The following REST variants were observed in gnomAD, a reference collection of about 807,000 sequenced individuals.
The protein encoded by REST is RE1-silencing transcription factor.
In REST, 1 loss-of-function variant was observed where a neutral mutation model predicts 30.4. The observed-to-expected ratio is 0.03, with a 90% CI of 0.01 to 0.16. The LOEUF is 0.16. Among genes scored for constraint, REST ranks in the 10% least tolerant of loss-of-function variants. The probability of loss-of-function intolerance (pLI) is 1.00; values close to 1 mark genes in which losing one functional copy is unlikely to be tolerated. For synonymous variants in REST, 504 were observed against 451.1 expected, an observed-to-expected ratio of 1.12 and a Z score of -1.49; for missense variants, 1,259 against 1,329.5, an observed-to-expected ratio of 0.95 and a Z score of 0.82.
rs1320871872 is a variant in REST at position 56,930,580 on chromosome 4, C to T, written c.1722C>T (p.Cys574=). 1 of 1,611,928 alleles carries T rather than the reference C, an allele frequency of 6.2e-7. No individual in the cohort carries two copies. The highest frequency in any genetic ancestry group is 1.1e-5 in the South Asian group (1 of 90,882). ...AGGAGAATAAAAAGCAAAATACTTG[C>T]ATGAAAAAAAGTACAAAGAAGAAAA... ...KVEENKKQNT[C]MKKSTKKKTL... is the part of the protein sequence containing the mutation. Residue 574 remains cysteine (C), a synonymous_variant, in exon 4 of 4, where the codon TGC becomes TGT. Coordinates refer to ENST00000309042, the MANE Select transcript of REST (RefSeq NM_005612.5).
chr4:56,922,141 C>T (rs1720480513), intron 3 of REST, among the ~76,000 whole-genome samples: 2 of 151,942 alleles, frequency 1.3e-5, no homozygotes, highest in South Asian at 4.1e-4. Context: ...AACCAGAAAC[C>T]TGGTTTTATT....
At chr4:56,908,518 TCAG>T (rs1274458125) in intron 1 of REST, among the ~76,000 whole-genome samples, 1 of 151,204 alleles carries the variant, frequency 6.6e-6, no homozygotes, top group Non-Finnish European at 1.5e-5. Flanking sequence ...CTCCACCGAG[TCAG>T]GTCCTTTGAG....
At chr4:56,915,090 A>C (rs1451234329) in intron 2 of REST, among the ~76,000 whole-genome samples, 1 of 150,186 alleles carries the variant, frequency 6.7e-6, no homozygotes, top group African/African-American at 2.5e-5. Context: ...ACACCTGCTA[A>C]TTTTGTATTT....
At chr4:56,922,488 T>C (rs1036214183) in intron 3 of REST, 1 of 151,986 alleles carries the variant, frequency 6.6e-6, no homozygotes, top group African/African-American at 2.4e-5. Context: ...TAATTTTGTA[T>C]TTTTAGTAGA....
chr4:56,930,404 A>C lies in REST; in HGVS notation c.1546A>C (p.Thr516Pro). ...TGSNSEKFSK[T>P]KKSKRKLEVD... ...AAGCAATTCAGAAAAATTCAGTAAAACTAAGAAAAGCAAAAGGAAGCTGGA... is the reference window on the plus strand; with the variant it reads ...AAGCAATTCAGAAAAATTCAGTAAACCTAAGAAAAGCAAAAGGAAGCTGGA... Residue 516 changes from threonine to proline, a missense_variant, in exon 4 of 4, where the codon ACT becomes CCT. Transcript: ENST00000309042. 6.2e-7 allele frequency: 1 copy of C among 1,614,002 alleles called. No homozygotes were observed. Among genetic ancestry groups the C allele is most frequent in the East Asian group, 2.2e-5 (1 of 44,872 alleles).
At position 56,907,968 on chromosome 4, in the gene REST, G is replaced by A. The variant is rs1719696703; in HGVS notation, c.-255G>A. The A allele has an allele frequency of 2.8e-6, 1 of 355,386 alleles. No individual in the cohort carries two copies. Among genetic ancestry groups the A allele is most frequent in the Non-Finnish European group, 5.0e-6 (1 of 198,522 alleles). The allele number at this position is 355,386 out of a possible 1,614,324, so 22.0% of individuals were successfully genotyped here. On this transcript the variant is annotated 5_prime_UTR_variant, in exon 1 of 4. Transcript: ENST00000309042. ...AGCTCGCGGCGCAGCAGCGGAGCGA[G>A]CGCCGCCGAGGCCCGGGGCCCCAGA... is the stretch of plus-strand genomic sequence containing the variant.
chr4:56,921,700 G>A (rs187109279), intron 3 of REST, among the ~76,000 whole-genome samples: 2 of 152,286 alleles, frequency 1.3e-5, no homozygotes, highest in Admixed American at 6.5e-5. Context: ...GTGAGCCACC[G>A]CGCCCGGCCA....
chr4:56,935,146 G>A lies in REST; in HGVS notation c.*2994G>A, dbSNP rs1180948406. 6.6e-6 allele frequency: 1 copy of A among 151,998 alleles called. No individual in the cohort carries two copies. Among genetic ancestry groups the A allele is most frequent in the African/African-American group, 2.4e-5 (1 of 41,376 alleles). The allele number at this position is 151,998 out of a possible 1,614,324, so 9.4% of individuals were successfully genotyped here. On this transcript the variant is annotated 3_prime_UTR_variant, in exon 4 of 4. Transcript: ENST00000309042. Reference sequence around the variant, plus strand: ...ACTTTGGAGACTGTTTTGCGTATGAGTGCTGATACAAATTAAAACCCAAGT... The same window carrying A: ...ACTTTGGAGACTGTTTTGCGTATGAATGCTGATACAAATTAAAACCCAAGT...
Position 56,910,780 on chromosome 4 carries a change from A to G in REST, c.142A>G (p.Met48Val). Residue 48 changes from methionine to valine, a missense_variant, in exon 2 of 4, where the codon ATG becomes GTG. This residue lies in a region of REST where 249 missense variants were observed against 251.5 expected (regional missense o/e 0.99). Coordinates refer to ENST00000309042, the MANE Select transcript of REST (RefSeq NM_005612.5). ...TGAACTGGCCGCACCTCAGCTTATT[A>G]TGCTGGCAAATGTGGCCTTAACTGG... ...KAELAAPQLI[M>V]LANVALTGEV... 6.2e-7 allele frequency: 1 copy of G among 1,614,226 alleles called. No individual in the cohort carries two copies. The highest frequency in any genetic ancestry group is 8.5e-7 in the Non-Finnish European group (1 of 1,180,044).
Position 56,933,295 on chromosome 4 carries a change from C to T in REST, c.*1143C>T, listed in dbSNP as rs1220933398. The stretch of plus-strand genomic sequence containing the variant: ...CCTTTTCTCATAGATGGTTGGTGTT[C>T]ATATGGCTACTTTACAATAAAGAGA... On this transcript the variant is annotated 3_prime_UTR_variant, in exon 4 of 4. Transcript: ENST00000309042. 3.9e-5 allele frequency: 6 copies of T among 151,962 alleles called. No individual in the cohort carries two copies. The highest frequency in any genetic ancestry group is 3.9e-4 in the Admixed American group (6 of 15,248). The allele number at this position is 151,962 out of a possible 1,614,324, so 9.4% of individuals were successfully genotyped here.
At chr4:56,929,259 TG>T (rs1215606550) in intron 3 of REST, among the ~76,000 whole-genome samples, 2 of 151,978 alleles carry the variant, frequency 1.3e-5, no homozygotes, top group Non-Finnish European at 2.9e-5. Flanking sequence ...TTAGTAGAGA[TG>T]GGGTTTCACC....
At position 56,932,219 on chromosome 4, in the gene REST, TAGC is replaced by T. The variant is rs1365923374; in HGVS notation, c.*70_*72del. The stretch of plus-strand genomic sequence containing the variant: ...TATTACATTTTATATTCATTTATGA[TAGC>T]AGACAACCTTTTAAGATTGCTTTAA... On this transcript the variant is annotated 3_prime_UTR_variant, in exon 4 of 4. Transcript: ENST00000309042. 2.1e-5 allele frequency: 31 copies of T among 1,478,340 alleles called. No homozygotes were observed. Among genetic ancestry groups the T allele is most frequent in the Admixed American group, 6.8e-5 (3 of 44,414 alleles). 91.6% of individuals were successfully genotyped at this position (1,478,340 alleles called of 1,614,324 possible). A position where few individuals can be genotyped will look rare whatever the true frequency, so the allele number is the denominator to read the frequency against.
intron 3 of REST, among the ~76,000 whole-genome samples, chr4:56,928,491 A>G (rs914852657): frequency 6.6e-6 from 1 of 151,352 alleles, no homozygotes; most frequent in Non-Finnish European, 1.5e-5. Context: ...TCACAACTCC[A>G]TGCTACTTCA....
intron 2 of REST, among the ~76,000 whole-genome samples, chr4:56,916,137 T>C (rs1217483188): frequency 1.4e-5 from 2 of 141,638 alleles, no homozygotes; most frequent in African/African-American, 5.0e-5. Context: ...AGTTCAGCAA[T>C]CTCGACTCAC....
rs780817845 is a variant in REST, at chr4:56,930,945, C to T, written c.2087C>T (p.Thr696Met). 3.7e-5 allele frequency: 60 copies of T among 1,612,578 alleles called. No homozygotes were observed. The highest frequency in any genetic ancestry group is 8.8e-5 in the South Asian group (8 of 91,012). ...ELPPPMETAQ[T>M]EVAQMGPAPM... ...CCTCCTCCCATGGAGACTGCTCAGA[C>T]GGAGGTTGCCCAAATGGGGCCTGCT... The change falls in exon 4 of 4, where the codon ACG (threonine) becomes ATG (methionine). Residue 696 changes from threonine (T) to methionine (M), a missense_variant. Physicochemically the swap from Thr to Met is moderately conservative, Grantham distance 81 (BLOSUM62 -1). Around this residue, in one of 5 missense-constraint regions of REST, gnomAD observed 856 missense variants for 772.8 expected, o/e 1.11. Transcript: ENST00000309042.
At chr4:56,922,158 G>T (rs1277293860) in intron 3 of REST, among the ~76,000 whole-genome samples, 1 of 151,784 alleles carries the variant, frequency 6.6e-6, no homozygotes, top group Non-Finnish European at 1.5e-5. Flanking sequence ...TATTATTTTT[G>T]GGTGTTTTTT....
Position 56,930,782 on chromosome 4 carries a change from G to A in REST, c.1924G>A (p.Ala642Thr). Residue 642 changes from alanine to threonine, a missense_variant, in exon 4 of 4, where the codon GCC (alanine) becomes ACC (threonine). Around this residue, in one of 5 missense-constraint regions of REST, gnomAD observed 856 missense variants for 772.8 expected, o/e 1.11. Transcript: ENST00000309042. ...CATGGAGCATGCTCAGATGGAGGGT[G>A]CCCAGATACGGCCTGCTCCTGACGA... ...PPMEHAQMEG[A>T]QIRPAPDEPV... 3 of 1,605,098 alleles carry A rather than the reference G, an allele frequency of 1.9e-6. No homozygotes were observed. Among genetic ancestry groups the A allele is most frequent in the Non-Finnish European group, 1.7e-6 (2 of 1,176,130 alleles).
chr4:56,919,306 T>TCAGCAACATTTAGAATAAAGCA (rs1720342493), intron 2 of REST, among the ~76,000 whole-genome samples: 1 of 152,114 alleles, frequency 6.6e-6, no homozygotes, highest in Admixed American at 6.6e-5. Flanking sequence ...ATAAAGCAAT[T>TCAGCAACATTTAGAATAAAGCA]ACATTCTCAC....
intron 2 of REST, among the ~76,000 whole-genome samples, chr4:56,913,271 C>T (rs2109529819): frequency 1.3e-5 from 2 of 152,276 alleles, no homozygotes; most frequent in Admixed American, 1.3e-4. Flanking sequence ...GCAGTCCTCC[C>T]ATCTCAACCT....
Sources: allele counts gnomAD v4.1 joint callset (sites outside exome capture counted in the v4.1 genomes callset), GRCh38; gene constraint gnomAD v4.1.1; regional missense constraint gnomAD v4.1.1; transcripts MANE v1.5; gene names NCBI Gene and HGNC (gene_info 2026-07-23, HGNC 2026-07-21).